Variants in HPCAL1 observed in about 807,000 individuals in gnomAD.
HPCAL1 encodes hippocalcin-like protein 1.
In HPCAL1, 8 loss-of-function variants were observed where a neutral mutation model predicts 17.1. That is an observed-to-expected ratio of 0.47 (90% confidence interval 0.27 to 0.84). The LOEUF (loss-of-function observed/expected upper bound fraction) is 0.84. Among genes scored for constraint, HPCAL1 ranks in the 40% least tolerant of loss-of-function variants. HPCAL1 has a pLI of 0.13. For missense variants in HPCAL1, 165 were observed against 271.1 expected (o/e 0.61, Z 2.75); for synonymous variants, 112 against 111.4 (o/e 1.01, Z -0.03).
intron 1 of HPCAL1, among the ~76,000 whole-genome samples, chr2:10,312,086 A>G (rs1253861630): frequency 1.3e-5 from 2 of 149,622 alleles, no homozygotes; most frequent in East Asian, 2.0e-4. Context: ...CACCATCATT[A>G]TCACCATTCT....
In HPCAL1 at chr2:10,331,185, G is replaced by T. The variant is rs989274217; in HGVS notation, c.-111+28008G>T. Among the ~76,000 whole-genome samples the T allele has an allele frequency of 7.2e-5, 11 of 152,106 alleles. No individual in the cohort carries two copies. Among genetic ancestry groups the T allele is most frequent in the Non-Finnish European group, 1.2e-4 (8 of 68,002 alleles). On this transcript the variant is annotated intron_variant, in intron 1 of 4. Coordinates refer to ENST00000307845, the MANE Select transcript of HPCAL1 (RefSeq NM_002149.4). This position sits in a 1 kb window ranked among gnomAD's most constrained non-coding sequence, Gnocchi z 5.0. The stretch of plus-strand genomic sequence containing the variant: ...CTGCAGAGGGCGGGGCGGGCTCTGG[G>T]GACAGCCTGGACTCTCCTGCCTGCC...
At chr2:10,416,408 G>C (rs1419494685) in intron 2 of HPCAL1, among the ~76,000 whole-genome samples, 1 of 152,182 alleles carries the variant, frequency 6.6e-6, no homozygotes, top group East Asian at 1.9e-4. Flanking sequence ...AACACAGGAA[G>C]GAGTCCAGAG....
chr2:10,396,123 G>T (rs889052954), intron 1 of HPCAL1, among the ~76,000 whole-genome samples: 1 of 152,220 alleles, frequency 6.6e-6, no homozygotes, highest in Admixed American at 6.5e-5. Flanking sequence ...CACCCGCAAT[G>T]CAAATTTTCC....
intron 2 of HPCAL1, among the ~76,000 whole-genome samples, chr2:10,413,230 G>A (rs1184162204): frequency 1.3e-5 from 2 of 152,190 alleles, no homozygotes; most frequent in Non-Finnish European, 2.9e-5. Flanking sequence ...GGTCCCTGGG[G>A]CTCCTGGGAC....
intron 1 of HPCAL1, among the ~76,000 whole-genome samples, chr2:10,321,496 G>A (rs1231079633): frequency 6.6e-6 from 1 of 151,774 alleles, no homozygotes; most frequent in Non-Finnish European, 1.5e-5. Context: ...CATGAAAGTC[G>A]CCATTTAAAA....
intron 1 of HPCAL1, among the ~76,000 whole-genome samples, chr2:10,396,403 G>GT (rs1408910902): frequency 6.6e-6 from 1 of 152,230 alleles, no homozygotes; most frequent in Non-Finnish European, 1.5e-5. Context: ...CTGAACCCTC[G>GT]TAACAGCCCT....
Position 10,417,320 on chromosome 2 carries a change from T to C in HPCAL1, c.-24-2414T>C, listed in dbSNP as rs537511759. Among the ~76,000 whole-genome samples, 10 of 148,884 alleles carry C rather than the reference T, an allele frequency of 6.7e-5. No individual in the cohort carries two copies. In the South Asian group the frequency reaches 2.1e-3, roughly 32 times the overall value. On this transcript the variant is annotated intron_variant, in intron 2 of 4. Transcript: ENST00000307845. ...GGAGGTTGCAGTGAGCTGAGATCGC[T>C]CCATTGCACTCCAACCTGGGTGACA...
chr2:10,402,992 A>T (rs977326987), intron 2 of HPCAL1, among the ~76,000 whole-genome samples: 6 of 152,206 alleles, frequency 3.9e-5, no homozygotes, highest in African/African-American at 1.4e-4. Flanking sequence ...GCCAAACCCC[A>T]TTCATTTGGG....
intron 1 of HPCAL1, among the ~76,000 whole-genome samples, chr2:10,392,168 G>A (rs1466418201): frequency 6.6e-6 from 1 of 152,022 alleles, no homozygotes; most frequent in African/African-American, 2.4e-5. Context: ...TCAGCCTCCT[G>A]AGTAGCTGGG....
At chr2:10,345,433 G>A (rs138299453) in intron 1 of HPCAL1, among the ~76,000 whole-genome samples, 27 of 151,050 alleles carry the variant, frequency 1.8e-4, no homozygotes, top group Admixed American at 1.7e-3. Context: ...GTGACCTACT[G>A]TGGTACTATT....
chr2:10,399,310 C>CCAT (rs1465013259), intron 2 of HPCAL1, among the ~76,000 whole-genome samples: 1 of 80,922 alleles, frequency 1.2e-5, no homozygotes, highest in Non-Finnish European at 2.6e-5. Flanking sequence ...ACCACCACCA[C>CCAT]CACCACCACC....
intron 2 of HPCAL1, among the ~76,000 whole-genome samples, chr2:10,411,951 T>C (rs575114451): frequency 6.6e-6 from 1 of 152,228 alleles, no homozygotes; most frequent in East Asian, 1.9e-4. Context: ...CAGAGAAGAT[T>C]CCTCCCCCAA....
At position 10,399,004 on chromosome 2, in the gene HPCAL1, A is replaced by G. The variant is rs116819279; in HGVS notation, c.-25+2084A>G. Among the ~76,000 whole-genome samples, 393 of 152,012 alleles carry G rather than the reference A, an allele frequency of 2.6e-3. 1 individual carries two copies. Among genetic ancestry groups the G allele is most frequent in the African/African-American group, 9.0e-3 (374 of 41,454 alleles). ...TGTTACCTGGATGTCACCTGCATACAAATGTCCTGGCCCGAGGCCACTGTC... is the reference window on the plus strand; with the variant it reads ...TGTTACCTGGATGTCACCTGCATACGAATGTCCTGGCCCGAGGCCACTGTC... On this transcript the variant is annotated intron_variant, in intron 2 of 4. Coordinates refer to ENST00000307845, the MANE Select transcript of HPCAL1 (RefSeq NM_002149.4).
intron 1 of HPCAL1, among the ~76,000 whole-genome samples, chr2:10,326,017 C>A (rs926191381): frequency 6.6e-6 from 1 of 152,176 alleles, no homozygotes; most frequent in Non-Finnish European, 1.5e-5. Context: ...GGAGTGTTTG[C>A]TTGGAAGTGA....
At position 10,419,927 on chromosome 2, in the gene HPCAL1, C is replaced by T; in HGVS notation, c.170C>T (p.Pro57Leu). 1 of 1,613,962 alleles carries T rather than the reference C, an allele frequency of 6.2e-7. No individual in the cohort carries two copies. Among genetic ancestry groups the T allele is most frequent in the Non-Finnish European group, 8.5e-7 (1 of 1,180,022 alleles). ...EFKKIYANFF[P>L]YGDASKFAEH... is the part of the protein sequence containing the mutation. Reference sequence around the variant, plus strand: ...AAGAAGATCTACGCCAACTTCTTCCCCTACGGCGACGCTTCCAAGTTCGCC... The same window carrying T: ...AAGAAGATCTACGCCAACTTCTTCCTCTACGGCGACGCTTCCAAGTTCGCC... Residue 57 changes from proline to leucine, a missense_variant, in exon 3 of 5, where the codon CCC becomes CTC. Transcript: ENST00000307845. This position sits in a 1 kb window ranked among gnomAD's most constrained non-coding sequence, Gnocchi z 5.0.
Position 10,331,981 on chromosome 2 carries a change from T to C in HPCAL1, c.-111+28804T>C, listed in dbSNP as rs148259128. ...TTCACAGGGAGCACTCCTTGTCACC[T>C]ATTGTCATTTATGAGCCCCGTGTCA... On this transcript the variant is annotated intron_variant, in intron 1 of 4. Coordinates refer to ENST00000307845, the MANE Select transcript of HPCAL1 (RefSeq NM_002149.4). This position sits in a 1 kb window ranked among gnomAD's most constrained non-coding sequence, Gnocchi z 5.0. 2.7e-5 allele frequency among the ~76,000 whole-genome samples: 3 copies of C among 112,428 alleles called. No individual in the cohort carries two copies. Among genetic ancestry groups the C allele is most frequent in the Non-Finnish European group, 6.2e-5 (3 of 48,646 alleles). The allele number at this position is 112,428 out of a possible 152,430, so 73.8% of individuals were successfully genotyped here. A position where few individuals can be genotyped will look rare whatever the true frequency, so the allele number is the denominator to read the frequency against.
chr2:10,322,775 C>T (rs1332488619), intron 1 of HPCAL1, among the ~76,000 whole-genome samples: 1 of 152,206 alleles, frequency 6.6e-6, no homozygotes, highest in African/African-American at 2.4e-5. Flanking sequence ...TGAGCTACCG[C>T]CTGAACCTTG....
At chr2:10,387,396 G>A (rs1471833733) in intron 1 of HPCAL1, among the ~76,000 whole-genome samples, 1 of 152,250 alleles carries the variant, frequency 6.6e-6, no homozygotes, top group Admixed American at 6.5e-5. Flanking sequence ...GCACGTCCAC[G>A]TGGAGAAGCG....
Position 10,387,303 on chromosome 2 carries a change from G to A in HPCAL1, c.-110-9532G>A, listed in dbSNP as rs572335275. Among the ~76,000 whole-genome samples the A allele has an allele frequency of 5.2e-5, 8 of 152,390 alleles. No homozygotes were observed. The South Asian group carries it at 1.2e-3, about 24-fold the overall frequency. ...GGAGCAGTGGGATGCCCACGGTACC[G>A]TGGAGGAAGCAGTCCTGGAGGAAGG... On this transcript the variant is annotated intron_variant, in intron 1 of 4. Transcript: ENST00000307845.
Sources: allele counts gnomAD v4.1 joint callset (sites outside exome capture counted in the v4.1 genomes callset), GRCh38; gene constraint gnomAD v4.1.1; non-coding constraint Gnocchi (gnomAD v3.1); transcripts MANE v1.5; gene names NCBI Gene and HGNC (gene_info 2026-07-23, HGNC 2026-07-21).